The following NBPF12 variants were observed in gnomAD, a reference collection of about 807,000 sequenced individuals.
NBPF12 encodes NBPF family member NBPF12.
NBPF12 carries 115 observed loss-of-function variants against 146.4 expected under a neutral mutation model. The ratio of observed to expected loss-of-function variants is 0.79; its 90% confidence interval spans 0.68 to 0.92. NBPF12 has a LOEUF of 0.92. Ranked by LOEUF, NBPF12 falls within the 40% of genes least tolerant of loss-of-function variation. NBPF12 has a pLI of 0.00. For missense variants in NBPF12, 1,205 were observed against 1,326.8 expected (o/e 0.91, Z 1.43); for synonymous variants, 385 against 508.9 (o/e 0.76, Z 3.28).
rs1172035392 is a variant in NBPF12 at position 146,960,825 on chromosome 1, TG to T, written c.175+508del. On this transcript the variant is annotated intron_variant, in intron 4 of 33. Transcript: ENST00000617844. ...AGAGGAGTCTGCTCCTAATAGAACCTGTGCTATCTATAAGTGACAGCATCAA... is the reference window on the plus strand; with the variant it reads ...AGAGGAGTCTGCTCCTAATAGAACCTTGCTATCTATAAGTGACAGCATCAA... 1.8e-4 allele frequency among the ~76,000 whole-genome samples: 27 copies of T among 152,164 alleles called. No individual in the cohort carries two copies. The East Asian group carries it at 4.6e-3, about 26-fold the overall frequency.
At chr1:146,978,259 G>A (rs1657172369) in intron 18 of NBPF12, among the ~76,000 whole-genome samples, 2 of 101,084 alleles carry the variant, frequency 2.0e-5, no homozygotes, top group East Asian at 3.0e-4. Context: ...TAGCGTCGTA[G>A]ATTTTTTTTT....
chr1:146,992,462 C>T (rs878882030), intron 31 of NBPF12, among the ~76,000 whole-genome samples: 1 of 66,254 alleles, frequency 1.5e-5, no homozygotes, highest in Non-Finnish European at 2.8e-5. Flanking sequence ...CTCTCTCTCT[C>T]TGTGTGTGTG....
intron 25 of NBPF12, among the ~76,000 whole-genome samples, 180 bp downstream of exon 28, chr1:146,987,465 C>G (rs1196987100): frequency 2.6e-5 from 4 of 152,082 alleles, no homozygotes; most frequent in Non-Finnish European, 4.4e-5. Flanking sequence ...TCTTCCTCCC[C>G]TTATCATTTA....
At position 146,983,079 on chromosome 1, in the gene NBPF12, G is replaced by A. The variant is rs2101905089; in HGVS notation, c.2602G>A (p.Val868Ile). The stretch of plus-strand genomic sequence containing the variant: ...AGAGGAACAGCAAGTCTGCATGGCT[G>A]TTGACATAGGCAGTGAGTACTCCAT... Residue 868 changes from valine to isoleucine, a missense_variant, in exon 20 of 34, where the codon GTT (valine) becomes ATT (isoleucine). Coordinates refer to ENST00000617844, the Ensembl canonical transcript of NBPF12. 5.6e-6 allele frequency: 9 copies of A among 1,600,316 alleles called. No homozygotes were observed. In the East Asian group the frequency reaches 1.8e-4, roughly 32 times the overall value.
intron 6 of NBPF12, among the ~76,000 whole-genome samples, chr1:146,963,863 T>C (rs1656021022): frequency 6.9e-6 from 1 of 145,856 alleles, no homozygotes; most frequent in Non-Finnish European, 1.5e-5. Flanking sequence ...TGGTAGGAAG[T>C]GCTTCACACT....
chr1:146,938,915 A>G (rs1460662364), exon 1 of NBPF12: 1 of 152,064 alleles, frequency 6.6e-6, no homozygotes, highest in Non-Finnish European at 1.5e-5. Context: ...GGGCCGAGGT[A>G]CGGCGGCACG....
rs1184758873 is a variant in NBPF12 at position 146,981,234 on chromosome 1, C to A, written c.2451-1694C>A. Among the ~76,000 whole-genome samples the A allele has an allele frequency of 3.7e-3, 453 of 122,642 alleles. 11 individuals are homozygous for A. Among genetic ancestry groups the A allele is most frequent in the African/African-American group, 0.013 (429 of 31,926 alleles). 80.5% of individuals were successfully genotyped at this position (122,642 alleles called of 152,430 possible). On this transcript the variant is annotated intron_variant, in intron 19 of 33. Transcript: ENST00000617844. ...AATGTGGACATGTATACATATGTAA[C>A]TAAGCTGCACGTTGTGCACATGTAC...
chr1:146,985,942 C>T (rs1657726872), intron 23 of NBPF12, among the ~76,000 whole-genome samples, 186 bp downstream of exon 26: 1 of 150,642 alleles, frequency 6.6e-6, no homozygotes, highest in Non-Finnish European at 1.5e-5. Context: ...TTGTCATTTA[C>T]TAACTTACTA....
At chr1:146,967,580 A>C (rs1312455068) in intron 9 of NBPF12, among the ~76,000 whole-genome samples, 2 of 150,298 alleles carry the variant, frequency 1.3e-5, no homozygotes, top group Non-Finnish European at 2.9e-5. Flanking sequence ...TTCCTGGGGC[A>C]CAGAGTCTTG....
chr1:146,952,744 T>G (rs1655379334), intron 2 of NBPF12, among the ~76,000 whole-genome samples: 1 of 148,514 alleles, frequency 6.7e-6, no homozygotes, highest in Non-Finnish European at 1.5e-5. Context: ...GGCTCCCCTG[T>G]GTGCACACTT....
chr1:146,969,272 T>C, intron 10 of NBPF12, 110 bp from the exon 14 acceptor site: 1 of 905,922 alleles, frequency 1.1e-6, no homozygotes, highest in Non-Finnish European at 1.8e-6. Context: ...GTGCTGACCT[T>C]CTGCTTGGAG....
intron 19 of NBPF12, among the ~76,000 whole-genome samples, chr1:146,981,295 ATAT>A (rs1421147376): frequency 3.8e-5 from 3 of 78,122 alleles, no homozygotes; most frequent in African/African-American, 1.5e-4. Context: ...AAAAAAAAAA[ATAT>A]ATATATATAT....
At chr1:146,985,493 A>G (rs1657697901) in intron 22 of NBPF12, among the ~76,000 whole-genome samples, 1 of 152,168 alleles carries the variant, frequency 6.6e-6, no homozygotes. Flanking sequence ...ATAACGATCT[A>G]CCAGAATAGG....
At chr1:146,948,333 A>G (rs1293485621), upstream of NBPF12, among the ~76,000 whole-genome samples, 9 of 151,990 alleles carry the variant, frequency 5.9e-5, no homozygotes, top group African/African-American at 1.7e-4. Flanking sequence ...AGAAAGAGAG[A>G]TCAGATTGTT....
intron 6 of NBPF12, 57 bp from the exon 10 acceptor site, chr1:146,964,300 A>C: frequency 6.3e-7 from 1 of 1,595,358 alleles, no homozygotes; most frequent in Admixed American, 1.7e-5. Context: ...CGTTGGGCTG[A>C]CTGTGCTTGC....
intron 2 of NBPF12, among the ~76,000 whole-genome samples, chr1:146,958,124 C>G (rs1312573111): frequency 8.5e-6 from 1 of 117,782 alleles, no homozygotes; most frequent in African/African-American, 2.8e-5. Flanking sequence ...TATCCTAATG[C>G]TATCCCTCCC....
At position 146,964,340 on chromosome 1, in the gene NBPF12, A is replaced by T; in HGVS notation, c.494-17A>T. 5 of 1,602,438 alleles carry T rather than the reference A, an allele frequency of 3.1e-6. No individual in the cohort carries two copies. The highest frequency in any genetic ancestry group is 4.3e-6 in the Non-Finnish European group (5 of 1,171,336). ...TGTGAAGTGGGACATATCTGAATGA[A>T]CATTTTGTATTTATAGAAAATGATG... is the stretch of plus-strand genomic sequence containing the variant. On this transcript the variant is annotated splice_polypyrimidine_tract_variant and intron_variant, in intron 6 of 33. Coordinates refer to ENST00000617844, the Ensembl canonical transcript of NBPF12.
intron 8 of NBPF12, 105 bp downstream of exon 11, chr1:146,965,209 C>G: frequency 1.3e-6 from 1 of 789,566 alleles, no homozygotes; most frequent in Non-Finnish European, 2.3e-6. Flanking sequence ...TAGTCAGAAA[C>G]TAGGATGGAG....
rs1274376539 is a variant in NBPF12, at chr1:146,962,804, C to A, written c.279-291C>A. On this transcript the variant is annotated intron_variant, in intron 5 of 33. Transcript: ENST00000617844. Reference sequence around the variant, plus strand: ...AAATGTCCATGGCCAGAGTGAGGAACTGAAAGGATGTCTTTTTGAAACGGA... The same window carrying A: ...AAATGTCCATGGCCAGAGTGAGGAAATGAAAGGATGTCTTTTTGAAACGGA... Among the ~76,000 whole-genome samples the A allele has an allele frequency of 4.5e-3, 674 of 150,320 alleles. 5 individuals carry two copies. The highest frequency in any genetic ancestry group is 8.6e-3 in the Non-Finnish European group (581 of 67,764).
Sources: allele counts gnomAD v4.1 joint callset (sites outside exome capture counted in the v4.1 genomes callset), GRCh38; gene constraint gnomAD v4.1.1; transcripts MANE v1.5; gene names NCBI Gene and HGNC (gene_info 2026-07-23, HGNC 2026-07-21).